DNAH14: variants seen among roughly 807,000 people sequenced by gnomAD.
DNAH14 encodes the protein dynein axonemal heavy chain 14, also known as axonemal beta dynein heavy chain 14.
Under a neutral mutation model 520.9 loss-of-function variants are expected in DNAH14, and 478 were observed. The observed-to-expected ratio is 0.92, with a 90% confidence interval of 0.85 to 0.99. The LOEUF (loss-of-function observed/expected upper bound fraction) is 0.99, where lower values mean the gene tolerates loss of function less well. Among genes scored for constraint, DNAH14 ranks in the 50% least tolerant of loss-of-function variants. The pLI is 0.00. For missense variants in DNAH14, 4,831 were observed against 5,234.5 expected, an observed-to-expected ratio of 0.92 and a Z score of 2.38; for synonymous variants, 1,581 against 1,757.2, an observed-to-expected ratio of 0.90 and a Z score of 2.51.
chr1:225,399,080 C>CA lies in DNAH14; in HGVS notation c.13667dup (p.Asn4556LysfsTer11). On this transcript the variant is annotated frameshift_variant, in exon 86 of 86. Coordinates refer to ENST00000682510, the MANE Select transcript of DNAH14 (RefSeq NM_001367479.1). LOFTEE classifies it low-confidence loss of function (END_TRUNC). Reference sequence around the variant, plus strand: ...TTTCTACCAAAACACCAAATGCTTCCAACCAGACAGATTCAGAACTCTATG... The same window carrying CA: ...TTTCTACCAAAACACCAAATGCTTCCAAACCAGACAGATTCAGAACTCTATG... The CA allele has an allele frequency of 6.4e-7, 1 of 1,551,124 alleles. No homozygotes were observed. Among genetic ancestry groups the CA allele is most frequent in the Non-Finnish European group, 8.7e-7 (1 of 1,146,854 alleles).
chr1:224,991,861 G>A (rs1219785491), intron 8 of DNAH14, among the ~76,000 whole-genome samples: 8 of 152,094 alleles, frequency 5.3e-5, no homozygotes, highest in South Asian at 2.1e-4. Flanking sequence ...ATGAACATAC[G>A]CGAAAAAGGT....
intron 39 of DNAH14, 127 bp downstream of exon 39, chr1:225,204,400 G>T: frequency 1.9e-6 from 1 of 528,662 alleles, no homozygotes; most frequent in Non-Finnish European, 3.2e-6. Context: ...CCATTTATTT[G>T]TTCGTATGTT....
At chr1:225,296,527 T>C (rs1374334248) in intron 55 of DNAH14, among the ~76,000 whole-genome samples, 2 of 149,180 alleles carry the variant, frequency 1.3e-5, no homozygotes, top group Admixed American at 6.7e-5. Flanking sequence ...TTTTTTGCAG[T>C]GATAGGGTTT....
chr1:225,133,494 G>A (rs76961131), intron 27 of DNAH14, among the ~76,000 whole-genome samples: 24 of 151,904 alleles, frequency 1.6e-4, no homozygotes, highest in East Asian at 9.6e-4. Flanking sequence ...TCCTTTCCCC[G>A]TTGCTTGTTT....
At chr1:225,190,303 T>C (rs1177361633) in intron 37 of DNAH14, among the ~76,000 whole-genome samples, 1 of 152,040 alleles carries the variant, frequency 6.6e-6, no homozygotes, top group Non-Finnish European at 1.5e-5. Flanking sequence ...TATCTTATTA[T>C]ATATACTGTA....
At position 225,388,498 on chromosome 1, in the gene DNAH14, A is replaced by G; in HGVS notation, c.13190+7A>G. On this transcript the variant is annotated splice_region_variant and intron_variant, in intron 82 of 85. Transcript: ENST00000682510. ...ATACTGCAATACAGCGTCGGTATGG[A>G]TAAAAGATGCTTTACATTTCTTCCT... 2 of 1,436,378 alleles carry G rather than the reference A, an allele frequency of 1.4e-6. No homozygotes were observed. Among genetic ancestry groups the G allele is most frequent in the Non-Finnish European group, 9.5e-7 (1 of 1,054,190 alleles). 89.0% of individuals were successfully genotyped at this position (1,436,378 alleles called of 1,614,324 possible).
At chr1:225,048,487 CA>C (rs1436656593) in intron 15 of DNAH14, among the ~76,000 whole-genome samples, 1 of 152,160 alleles carries the variant, frequency 6.6e-6, no homozygotes, top group Admixed American at 6.5e-5. Flanking sequence ...AGTGACAGTG[CA>C]AGACCCTGTC....
chr1:225,106,885 A>G (rs928807268), intron 23 of DNAH14, among the ~76,000 whole-genome samples: 1 of 152,108 alleles, frequency 6.6e-6, no homozygotes, highest in African/African-American at 2.4e-5. Context: ...CAACTCGTCA[A>G]AGTCATTCTC....
intron 17 of DNAH14, among the ~76,000 whole-genome samples, chr1:225,053,193 G>A (rs1395543442): frequency 6.6e-6 from 1 of 152,040 alleles, no homozygotes; most frequent in African/African-American, 2.4e-5. Flanking sequence ...TTCAGGATTT[G>A]TTACTAAAGT....
intron 17 of DNAH14, among the ~76,000 whole-genome samples, chr1:225,075,991 A>AGATGGGAAG (rs1553429254): frequency 6.6e-6 from 1 of 152,122 alleles, no homozygotes; most frequent in East Asian, 1.9e-4. Flanking sequence ...TGGCTGGTCC[A>AGATGGGAAG]GCCTAGGGCC....
chr1:225,118,052 A>G, intron 25 of DNAH14, 53 bp downstream of exon 25: 1 of 1,352,218 alleles, frequency 7.4e-7, no homozygotes, highest in African/African-American at 1.5e-5. Flanking sequence ...ATTATTTAAA[A>G]TCTCTGCTTT....
intron 1 of DNAH14, among the ~76,000 whole-genome samples, chr1:224,936,014 CA>C (rs2059008778): frequency 6.6e-6 from 1 of 151,282 alleles, no homozygotes; most frequent in Non-Finnish European, 1.5e-5. Flanking sequence ...ATTTTTGAAA[CA>C]AATGAAAATG....
rs56744969 is a variant in DNAH14 at position 225,262,190 on chromosome 1, GT to G, written c.7158-1997del. On this transcript the variant is annotated intron_variant, in intron 46 of 85. Transcript: ENST00000682510. Reference sequence around the variant, plus strand: ...ATGTCATTTGCCTGCCTTTTAATGGGTTTTTTTTTTCTTGCTAATTTGTTTG... The same window carrying G: ...ATGTCATTTGCCTGCCTTTTAATGGGTTTTTTTTTCTTGCTAATTTGTTTG... Among the ~76,000 whole-genome samples the G allele has an allele frequency of 7.6e-4, 112 of 148,080 alleles. 1 individual carries two copies. Among genetic ancestry groups the G allele is most frequent in the African/African-American group, 2.1e-3 (85 of 40,606 alleles).
chr1:225,271,890 A>G lies in DNAH14; in HGVS notation c.7672-16A>G. 1 of 1,535,322 alleles carries G rather than the reference A, an allele frequency of 6.5e-7. No homozygotes were observed. Among genetic ancestry groups the G allele is most frequent in the South Asian group, 1.2e-5 (1 of 81,500 alleles). On this transcript the variant is annotated splice_polypyrimidine_tract_variant and intron_variant, in intron 50 of 85. Transcript: ENST00000682510. Reference sequence around the variant, plus strand: ...CAAATTTTTGGCAAGCTAAATTATAACATTTCTTTTTAAAGGCTCATTTGG... The same window carrying G: ...CAAATTTTTGGCAAGCTAAATTATAGCATTTCTTTTTAAAGGCTCATTTGG...
At chr1:225,137,829 T>C (rs2079088580) in intron 27 of DNAH14, among the ~76,000 whole-genome samples, 1 of 152,190 alleles carries the variant, frequency 6.6e-6, no homozygotes, top group South Asian at 2.1e-4. Flanking sequence ...GACCCTTCTT[T>C]GTAGACCGCC....
intron 28 of DNAH14, among the ~76,000 whole-genome samples, chr1:225,142,960 T>C (rs2079587233): frequency 6.6e-6 from 1 of 152,102 alleles, no homozygotes; most frequent in African/African-American, 2.4e-5. Flanking sequence ...TTAAAAAAAT[T>C]AATGAAATAA....
chr1:225,049,817 CT>C (rs1177937172), intron 15 of DNAH14, among the ~76,000 whole-genome samples: 103 of 143,196 alleles, frequency 7.2e-4, no homozygotes, highest in African/African-American at 2.5e-3. Flanking sequence ...TATCAATCAT[CT>C]ATCTATGCCT....
intron 63 of DNAH14, 101 bp from the exon 64 acceptor site, chr1:225,324,636 T>A: frequency 8.7e-7 from 1 of 1,146,264 alleles, no homozygotes; most frequent in South Asian, 1.5e-5. Context: ...GAAAGTTTAA[T>A]TGTAACAATT....
At position 225,146,958 on chromosome 1, in the gene DNAH14, C is replaced by G. The variant is rs1334831114; in HGVS notation, c.4795-146C>G. ...CATCTAAGCAGCTGCTGCTTTCAAC[C>G]CTATAAAAATGCCTAGGAGGGGGAA... is the stretch of plus-strand genomic sequence containing the variant. On this transcript the variant is annotated intron_variant, in intron 30 of 85. Transcript: ENST00000682510. 1.3e-5 allele frequency: 8 copies of G among 604,270 alleles called. No homozygotes were observed. The Admixed American group carries it at 2.6e-4, about 19-fold the overall frequency. The allele number at this position is 604,270 out of a possible 1,614,324, so 37.4% of individuals were successfully genotyped here.
Sources: allele counts gnomAD v4.1 joint callset (sites outside exome capture counted in the v4.1 genomes callset), GRCh38; gene constraint gnomAD v4.1.1; transcripts MANE v1.5; gene names NCBI Gene and HGNC (gene_info 2026-07-23, HGNC 2026-07-21).